Variants in RALGPS2 observed in about 807,000 individuals in gnomAD.
RALGPS2 encodes Ral GEF with PH domain and SH3 binding motif 2.
A neutral mutation model predicts 86.8 loss-of-function variants in RALGPS2; 43 were observed. That is an observed-to-expected ratio of 0.50 (90% CI 0.39 to 0.64). The LOEUF (loss-of-function observed/expected upper bound fraction) is 0.64. Ranked by LOEUF, RALGPS2 falls within the 30% of genes least tolerant of loss-of-function variation. The probability of loss-of-function intolerance (pLI) is 0.00; values close to 1 mark genes in which losing one functional copy is unlikely to be tolerated. For synonymous variants in RALGPS2, 243 were observed against 231.3 expected, an observed-to-expected ratio of 1.05 and a Z score of -0.46; for missense variants, 536 against 694.6, an observed-to-expected ratio of 0.77 and a Z score of 2.57.
chr1:178,910,845 C>G (rs1333619798), intron 19 of RALGPS2, among the ~76,000 whole-genome samples: 1 of 152,096 alleles, frequency 6.6e-6, no homozygotes, highest in East Asian at 1.9e-4. Context: ...GGTACTAGCT[C>G]TTTTTCGTAC....
chr1:178,863,602 T>C (rs1237907361), intron 8 of RALGPS2, among the ~76,000 whole-genome samples: 1 of 152,132 alleles, frequency 6.6e-6, no homozygotes, highest in Non-Finnish European at 1.5e-5. Flanking sequence ...TGTGAGGTAA[T>C]GGTGAAATAT....
intron 10 of RALGPS2, among the ~76,000 whole-genome samples, chr1:178,880,187 A>T (rs146632494): frequency 7.9e-5 from 12 of 152,332 alleles, no homozygotes; most frequent in African/African-American, 2.9e-4. Context: ...AATGCATTAC[A>T]TAGAAATATT....
chr1:178,764,484 G>T (rs1652400069), intron 1 of RALGPS2, among the ~76,000 whole-genome samples: 1 of 152,168 alleles, frequency 6.6e-6, no homozygotes, highest in African/African-American at 2.4e-5. Context: ...GTATTGCGAT[G>T]TGTGGATTAT....
intron 8 of RALGPS2, among the ~76,000 whole-genome samples, chr1:178,876,458 G>C (rs1659008900): frequency 6.6e-6 from 1 of 152,156 alleles, no homozygotes; most frequent in South Asian, 2.1e-4. Flanking sequence ...GACAGTGTCT[G>C]AATTCCTTTC....
chr1:178,797,211 A>G (rs1392638823), intron 4 of RALGPS2, among the ~76,000 whole-genome samples: 2 of 152,218 alleles, frequency 1.3e-5, no homozygotes, highest in African/African-American at 4.8e-5. Context: ...GCAAGATGGC[A>G]TCTGTGGCAT....
intron 5 of RALGPS2, among the ~76,000 whole-genome samples, chr1:178,809,526 T>G (rs878916308): frequency 6.6e-6 from 1 of 150,870 alleles, no homozygotes; most frequent in African/African-American, 2.4e-5. Context: ...AGAAATACAT[T>G]AAAAAAAAAC....
At chr1:178,738,553 C>T (rs1479394541) in intron 1 of RALGPS2, among the ~76,000 whole-genome samples, 1 of 152,110 alleles carries the variant, frequency 6.6e-6, no homozygotes, top group East Asian at 1.9e-4. Context: ...ATGTGAATGT[C>T]AAAACTAAAT....
At chr1:178,845,286 G>C (rs1656816628) in intron 8 of RALGPS2, among the ~76,000 whole-genome samples, 1 of 151,962 alleles carries the variant, frequency 6.6e-6, no homozygotes, top group Non-Finnish European at 1.5e-5. Flanking sequence ...TTTCCTGTTG[G>C]AGAGAGACTT....
chr1:178,893,223 T>G (rs927851519), intron 15 of RALGPS2, among the ~76,000 whole-genome samples: 1 of 150,998 alleles, frequency 6.6e-6, no homozygotes, highest in African/African-American at 2.5e-5. Context: ...GGGAAAGATA[T>G]TAAAGTGTTG....
chr1:178,880,107 TA>T (rs1659180305), intron 10 of RALGPS2, among the ~76,000 whole-genome samples: 1 of 152,204 alleles, frequency 6.6e-6, no homozygotes, highest in Middle Eastern at 3.2e-3. Flanking sequence ...CTTTCACAAA[TA>T]TTTTTTCCAA....
At chr1:178,849,981 T>G (rs534759906) in intron 8 of RALGPS2, 1 of 152,788 alleles carries the variant, frequency 6.5e-6, no homozygotes, top group East Asian at 1.9e-4. Context: ...GAAAGGAAAT[T>G]GTTCCAGAAA....
chr1:178,741,193 T>C (rs1651005095), intron 1 of RALGPS2, among the ~76,000 whole-genome samples: 1 of 152,192 alleles, frequency 6.6e-6, no homozygotes, highest in South Asian at 2.1e-4. Flanking sequence ...GTGTGAATAA[T>C]AATACACTGA....
chr1:178,755,588 A>T (rs1231520486), intron 1 of RALGPS2, among the ~76,000 whole-genome samples: 1 of 152,142 alleles, frequency 6.6e-6, no homozygotes, highest in African/African-American at 2.4e-5. Flanking sequence ...CCAGTCCACC[A>T]TTGTTGGGTA....
intron 8 of RALGPS2, among the ~76,000 whole-genome samples, chr1:178,857,143 A>G (rs1657641880): frequency 6.6e-6 from 1 of 152,200 alleles, no homozygotes; most frequent in Non-Finnish European, 1.5e-5. Flanking sequence ...ATGGAAGGAA[A>G]AGTAAATTAT....
At position 178,920,278 on chromosome 1, in the gene RALGPS2, A is replaced by T. The variant is rs544754761; in HGVS notation, c.*3919A>T. The T allele has an allele frequency of 3.5e-4, 53 of 152,096 alleles. No individual in the cohort carries two copies. The highest frequency in any genetic ancestry group is 1.2e-3 in the African/African-American group (50 of 41,554). The allele number at this position is 152,096 out of a possible 1,614,324, so 9.4% of individuals were successfully genotyped here. ...TTTTTTCCCTATTTGGAGGGTTCTA[A>T]TGAAAGAGATCCAGGCATAAAAACT... is the stretch of plus-strand genomic sequence containing the variant. On this transcript the variant is annotated 3_prime_UTR_variant, in exon 20 of 20. Coordinates refer to ENST00000367635, the MANE Select transcript of RALGPS2 (RefSeq NM_152663.5).
At chr1:178,820,277 G>A (rs907685820) in intron 6 of RALGPS2, among the ~76,000 whole-genome samples, 9 of 152,094 alleles carry the variant, frequency 5.9e-5, no homozygotes, top group African/African-American at 2.2e-4. Context: ...CCGATGCCTG[G>A]CATTCAGTTA....
chr1:178,892,052 T>G (rs909064826), intron 14 of RALGPS2, among the ~76,000 whole-genome samples, 178 bp from the exon 15 acceptor site: 3 of 152,020 alleles, frequency 2.0e-5, no homozygotes, highest in African/African-American at 7.2e-5. Flanking sequence ...AAGAAAAAAT[T>G]TTTTGAAATC....
intron 8 of RALGPS2, among the ~76,000 whole-genome samples, chr1:178,854,767 CAT>C (rs1657417761): frequency 6.6e-6 from 1 of 152,092 alleles, no homozygotes; most frequent in Admixed American, 6.6e-5. Context: ...CATTTGCCCT[CAT>C]GTTATTTCAT....
At chr1:178,913,807 C>T (rs941914033) in intron 19 of RALGPS2, among the ~76,000 whole-genome samples, 25 of 152,204 alleles carry the variant, frequency 1.6e-4, no homozygotes, top group African/African-American at 5.8e-4. Context: ...GGGACTGGGC[C>T]CCTGGCTTTT....
Sources: allele counts gnomAD v4.1 joint callset (sites outside exome capture counted in the v4.1 genomes callset), GRCh38; gene constraint gnomAD v4.1.1; transcripts MANE v1.5; gene names NCBI Gene and HGNC (gene_info 2026-07-23, HGNC 2026-07-21).